LSMEM1: variants seen among roughly 807,000 people sequenced by gnomAD.
LSMEM1 encodes leucine rich single-pass membrane protein 1.
Under a neutral mutation model 11.3 loss-of-function variants are expected in LSMEM1, and 10 were observed. The ratio of observed to expected loss-of-function variants is 0.89; its 90% confidence interval spans 0.55 to 1.50. The LOEUF (loss-of-function observed/expected upper bound fraction) is 1.50, where lower values mean the gene tolerates loss of function less well. Ranked by LOEUF, LSMEM1 falls within the 40% of genes most tolerant of loss-of-function variation. The probability of loss-of-function intolerance (pLI) is 0.00; values close to 1 mark genes in which losing one functional copy is unlikely to be tolerated. For synonymous variants in LSMEM1, 65 were observed against 59.3 expected, an observed-to-expected ratio of 1.10 and a Z score of -0.44; for missense variants, 151 against 152.9, an observed-to-expected ratio of 0.99 and a Z score of 0.06.
intron 2 of LSMEM1, among the ~76,000 whole-genome samples, chr7:112,485,490 G>A (rs1796111052): frequency 6.6e-6 from 1 of 152,144 alleles, no homozygotes; most frequent in South Asian, 2.1e-4. Context: ...CACTCTGAGT[G>A]CCATCTTTTC....
At chr7:112,482,055 C>G (rs1421177294) in intron 1 of LSMEM1, among the ~76,000 whole-genome samples, 2 of 152,186 alleles carry the variant, frequency 1.3e-5, no homozygotes, top group Non-Finnish European at 2.9e-5. Context: ...TCTTGTATCC[C>G]TTTACTAGCA....
chr7:112,485,384 G>A (rs1005906591), intron 2 of LSMEM1, among the ~76,000 whole-genome samples: 2 of 152,132 alleles, frequency 1.3e-5, no homozygotes, highest in African/African-American at 2.4e-5. Context: ...GTGCAATTAA[G>A]GGTTGGAGAA....
In LSMEM1 at chr7:112,487,068, G is replaced by T; in HGVS notation, c.256+17G>T. The stretch of plus-strand genomic sequence containing the variant: ...TTCTAATAGGTAAGTACCACCACAG[G>T]TTTCTTTTTTATTACTTGTATGCAT... On this transcript the variant is annotated intron_variant, in intron 3 of 3. Transcript: ENST00000312849. The T allele has an allele frequency of 1.9e-6, 3 of 1,609,532 alleles. No individual in the cohort carries two copies. Among genetic ancestry groups the T allele is most frequent in the Non-Finnish European group, 2.5e-6 (3 of 1,178,780 alleles).
At chr7:112,486,168 A>C (rs929199324) in intron 2 of LSMEM1, 8 of 198,918 alleles carry the variant, frequency 4.0e-5, no homozygotes, top group African/African-American at 1.8e-4. Flanking sequence ...TAATAAAAGA[A>C]GTTTCCAGGG....
rs1796203981 is a variant in LSMEM1, at chr7:112,489,842, A to G, written c.289A>G (p.Arg97Gly). 1 of 1,614,012 alleles carries G rather than the reference A, an allele frequency of 6.2e-7. No individual in the cohort carries two copies. The highest frequency in any genetic ancestry group is 8.5e-7 in the Non-Finnish European group (1 of 1,179,954). ...TGGAAACAAGATGGATGATGTGTCA[A>G]GAAGACTAACAGCTGAAGGAAAAGA... Reference protein sequence around the residue: ...QTGNKMDDVSRRLTAEGKDID... With the variant: ...QTGNKMDDVSGRLTAEGKDID... The change falls in exon 4 of 4, where the codon AGA (arginine) becomes GGA (glycine). Residue 97 changes from arginine (R) to glycine (G), a missense_variant. Transcript: ENST00000312849.
rs781239794 is a variant in LSMEM1 at position 112,484,923 on chromosome 7, C to T, written c.107C>T (p.Ala36Val). 2.5e-6 allele frequency: 4 copies of T among 1,613,212 alleles called. No homozygotes were observed. Among genetic ancestry groups the T allele is most frequent in the South Asian group, 1.1e-5 (1 of 91,038 alleles). Residue 36 changes from alanine (A) to valine (V), a missense_variant, in exon 2 of 4, where the codon GCC (alanine) becomes GTC (valine). Transcript: ENST00000312849. ...NDLNKLNLCP[A>V]GSQHLFPLED... ...TTAAACAAACTAAACCTCTGTCCAG[C>T]CGGATCGCAGCATCTGTTCCGTATG...
intron 3 of LSMEM1, 104 bp from the exon 4 acceptor site, chr7:112,489,706 A>T: frequency 7.5e-7 from 1 of 1,339,782 alleles, no homozygotes; most frequent in Non-Finnish European, 1.0e-6. Context: ...GGGATTTGCC[A>T]AGAGTGTCTT....
At chr7:112,483,574 T>A (rs996299456) in intron 1 of LSMEM1, 9 of 152,220 alleles carry the variant, frequency 5.9e-5, no homozygotes, top group African/African-American at 1.9e-4. Context: ...TAGAAGAATG[T>A]AAAGAATCCA....
chr7:112,484,542 C>CA (rs1373839835), intron 1 of LSMEM1, among the ~76,000 whole-genome samples: 1 of 152,146 alleles, frequency 6.6e-6, no homozygotes. Flanking sequence ...TGCAGATAAG[C>CA]AGGGTATACA....
upstream of LSMEM1, chr7:112,480,803 G>A: frequency 2.2e-6 from 1 of 456,208 alleles, no homozygotes; most frequent in Non-Finnish European, 4.4e-6. Flanking sequence ...TTGTTATGAT[G>A]TCATAATCAT....
rs775549373 is a variant in LSMEM1 at position 112,486,942 on chromosome 7, A to G, written c.147A>G (p.Pro49=). The G allele has an allele frequency of 1.2e-5, 19 of 1,614,032 alleles. No individual in the cohort carries two copies. The South Asian group carries it at 1.2e-4, about 10-fold the overall frequency. ...QHLFPLEDKI[P]VLGTNSGNGS... ...TATTAGCTCTAGAGGACAAAATCCCAGTCCTTGGCACAAACTCAGGAAATG... is the reference window on the plus strand; with the variant it reads ...TATTAGCTCTAGAGGACAAAATCCCGGTCCTTGGCACAAACTCAGGAAATG... Residue 49 remains proline (P), a synonymous_variant, in exon 3 of 4, where the codon CCA becomes CCG. Coordinates refer to ENST00000312849, the MANE Select transcript of LSMEM1 (RefSeq NM_182597.3).
In LSMEM1 at chr7:112,490,140, C is replaced by CT. The variant is rs746393846; in HGVS notation, c.*192dup. Reference sequence around the variant, plus strand: ...AGGCAAGTGGGTATGGGAATAGCAACTAAAAAGGGGTGAACTTGTCTCAGC... The same window carrying CT: ...AGGCAAGTGGGTATGGGAATAGCAACTTAAAAAGGGGTGAACTTGTCTCAGC... On this transcript the variant is annotated 3_prime_UTR_variant, in exon 4 of 4. Transcript: ENST00000312849. 3.3e-5 allele frequency: 18 copies of CT among 541,586 alleles called. No individual in the cohort carries two copies. The highest frequency in any genetic ancestry group is 5.7e-5 in the Non-Finnish European group (18 of 315,072). 33.5% of individuals were successfully genotyped at this position (541,586 alleles called of 1,614,324 possible). A position where few individuals can be genotyped will look rare whatever the true frequency, so the allele number is the denominator to read the frequency against.
upstream of LSMEM1, among the ~76,000 whole-genome samples, chr7:112,480,516 GAT>G (rs1407414768): frequency 6.6e-6 from 1 of 152,242 alleles, no homozygotes; most frequent in African/African-American, 2.4e-5. Context: ...ATCCTGCTGA[GAT>G]AGTTGGTCTC....
Position 112,487,023 on chromosome 7 carries a change from A to G in LSMEM1, c.228A>G (p.Ala76=), listed in dbSNP as rs1340006350. The G allele has an allele frequency of 6.2e-7, 1 of 1,613,900 alleles. No individual in the cohort carries two copies. Among genetic ancestry groups the G allele is most frequent in the Non-Finnish European group, 8.5e-7 (1 of 1,179,994 alleles). ...GLLIVLIVSL[A]LVFFVIFLIV... is the part of the protein sequence containing the mutation. ...TAATTGTGCTGATTGTCAGCCTGGC[A>G]CTGGTTTTTTTCGTGATATTTCTAA... The change falls in exon 3 of 4, where the codon GCA becomes GCG. Residue 76 remains alanine (A), a synonymous_variant. Transcript: ENST00000312849.
In LSMEM1 at chr7:112,489,743, G is replaced by A; in HGVS notation, c.257-67G>A. ...CAGCATCAGCTGAGCACCAACATGGGGATCTGATGAATTTCAGTGGAACAC... is the reference window on the plus strand; with the variant it reads ...CAGCATCAGCTGAGCACCAACATGGAGATCTGATGAATTTCAGTGGAACAC... On this transcript the variant is annotated intron_variant, in intron 3 of 3. Transcript: ENST00000312849. The A allele has an allele frequency of 3.9e-6, 6 of 1,535,900 alleles. No homozygotes were observed. The South Asian group carries it at 7.6e-5, about 19-fold the overall frequency.
At chr7:112,480,744 C>T (rs1393494281), upstream of LSMEM1, 35 of 450,222 alleles carry the variant, frequency 7.8e-5, no homozygotes, top group South Asian at 4.6e-4. Flanking sequence ...CACTCACAAT[C>T]GCTTTTTGTA....
chr7:112,489,626 A>G (rs1796199623), intron 3 of LSMEM1, among the ~76,000 whole-genome samples, 184 bp from the exon 4 acceptor site: 1 of 152,200 alleles, frequency 6.6e-6, no homozygotes. Flanking sequence ...AAAACAATTC[A>G]CTGGATAGGC....
chr7:112,489,837 T>G lies in LSMEM1; in HGVS notation c.284T>G (p.Val95Gly), dbSNP rs755881927. 3.7e-6 allele frequency: 6 copies of G among 1,613,438 alleles called. No individual in the cohort carries two copies. Among genetic ancestry groups the G allele is most frequent in the East Asian group, 4.5e-5 (2 of 44,870 alleles). Residue 95 changes from valine (V) to glycine (G), a missense_variant, in exon 4 of 4, where the codon GTG becomes GGG. Coordinates refer to ENST00000312849, the MANE Select transcript of LSMEM1 (RefSeq NM_182597.3). ...IVQTGNKMDDVSRRLTAEGKD... is the reference protein window; with the variant it reads ...IVQTGNKMDDGSRRLTAEGKD... ...CAAACTGGAAACAAGATGGATGATGTGTCAAGAAGACTAACAGCTGAAGGA... is the reference window on the plus strand; with the variant it reads ...CAAACTGGAAACAAGATGGATGATGGGTCAAGAAGACTAACAGCTGAAGGA...
At chr7:112,486,211 C>T (rs761346188) in intron 2 of LSMEM1, 1 of 239,546 alleles carries the variant, frequency 4.2e-6, no homozygotes, top group Non-Finnish European at 8.8e-6. Flanking sequence ...GAGTCTTCCA[C>T]CCAGCATAGG....
Sources: gnomAD v4.1 joint callset for allele counts (sites outside exome capture counted in the v4.1 genomes callset) on GRCh38, gnomAD v4.1.1 for gene constraint, MANE v1.5 for transcripts, NCBI Gene and HGNC (gene_info 2026-07-23, HGNC 2026-07-21) for gene names.